The following MTMR3 variants were observed in gnomAD, a reference collection of about 807,000 sequenced individuals.
MTMR3 encodes myotubularin related protein 3.
In MTMR3, 32 loss-of-function variants were observed where a neutral mutation model predicts 132.4. The ratio of observed to expected loss-of-function variants is 0.24; its 90% CI spans 0.18 to 0.32. The LOEUF is 0.32. Ranked by LOEUF, MTMR3 falls within the 10% of genes least tolerant of loss-of-function variation. The probability of loss-of-function intolerance (pLI) is 1.00; values close to 1 mark genes in which losing one functional copy is unlikely to be tolerated. For missense variants in MTMR3, 1,216 were observed against 1,489.6 expected (o/e 0.82, Z 3.02); for synonymous variants, 556 against 550.3 (o/e 1.01, Z -0.14).
In MTMR3 at chr22:29,884,367, A is replaced by C. The variant is rs1348658282; in HGVS notation, c.-138+1008A>C. 6.6e-5 allele frequency among the ~76,000 whole-genome samples: 10 copies of C among 152,252 alleles called. 1 individual carries two copies. The highest frequency in any genetic ancestry group is 6.8e-3 in the Middle Eastern group (2 of 294). Reference sequence around the variant, plus strand: ...CCATAAGAGGCCTGGGTTGAATTACAGGAGATTATTATTATTTTTTTCAAT... The same window carrying C: ...CCATAAGAGGCCTGGGTTGAATTACCGGAGATTATTATTATTTTTTTCAAT... On this transcript the variant is annotated intron_variant, in intron 1 of 19. Coordinates refer to ENST00000401950, the MANE Select transcript of MTMR3 (RefSeq NM_021090.4).
intron 1 of MTMR3, among the ~76,000 whole-genome samples, chr22:29,938,026 A>G (rs867440308): frequency 2.6e-5 from 4 of 152,192 alleles, no homozygotes; most frequent in African/African-American, 7.2e-5. Context: ...AAGACCTTAA[A>G]AAACCAGAGT....
At chr22:29,888,582 T>C (rs2064725179) in intron 1 of MTMR3, among the ~76,000 whole-genome samples, 1 of 152,170 alleles carries the variant, frequency 6.6e-6, no homozygotes, top group African/African-American at 2.4e-5. Flanking sequence ...CATGAACTTA[T>C]GCTGTAATAA....
intron 5 of MTMR3, 48 bp from the exon 6 acceptor site, chr22:29,988,427 TCCAGG>T: frequency 7.2e-7 from 1 of 1,393,630 alleles, no homozygotes; most frequent in South Asian, 1.2e-5. Context: ...ATTGAAGAAC[TCCAGG>T]GTCAATGCCT....
At chr22:29,969,086 C>T (rs9625894) in intron 2 of MTMR3, among the ~76,000 whole-genome samples, 1 of 152,138 alleles carries the variant, frequency 6.6e-6, no homozygotes, top group Non-Finnish European at 1.5e-5. Flanking sequence ...TCTTCTTGAT[C>T]TCTAGTCTGG....
In MTMR3 at chr22:29,978,885, T is replaced by G. The variant is rs767808307; in HGVS notation, c.94-51T>G. 2.6e-6 allele frequency: 3 copies of G among 1,162,838 alleles called. No individual in the cohort carries two copies. The South Asian group carries it at 4.5e-5, about 17-fold the overall frequency. The allele number at this position is 1,162,838 out of a possible 1,614,324, so 72.0% of individuals were successfully genotyped here. On this transcript the variant is annotated intron_variant, in intron 4 of 19. Coordinates refer to ENST00000401950, the MANE Select transcript of MTMR3 (RefSeq NM_021090.4). The stretch of plus-strand genomic sequence containing the variant: ...ATTCAGCCAACTGATGTTTGAAGCT[T>G]TTTTTTTTTTAACTGCTTCAGAACT...
At chr22:30,002,044 C>T (rs1569044044) in intron 8 of MTMR3, 1 of 152,166 alleles carries the variant, frequency 6.6e-6, no homozygotes, top group Non-Finnish European at 1.5e-5. Flanking sequence ...GCCTTATTGC[C>T]TTCACTATTG....
chr22:29,968,437 G>T (rs934085220), intron 2 of MTMR3, among the ~76,000 whole-genome samples: 8 of 152,110 alleles, frequency 5.3e-5, no homozygotes, highest in African/African-American at 1.9e-4. Context: ...AAGTAATTCA[G>T]TATGTTTCTT....
At chr22:30,022,534 C>T (rs2067790702) in intron 18 of MTMR3, 75 bp from the exon 19 acceptor site, 3 of 1,292,940 alleles carry the variant, frequency 2.3e-6, no homozygotes, top group Non-Finnish European at 2.2e-6. Context: ...ACTCTTGCTG[C>T]CCCCAGCATG....
intron 1 of MTMR3, among the ~76,000 whole-genome samples, chr22:29,929,140 G>A (rs570407602): frequency 2.0e-5 from 3 of 152,080 alleles, no homozygotes; most frequent in African/African-American, 7.2e-5. Flanking sequence ...AATTAGCTGG[G>A]CGGGGTGGCG....
At chr22:29,886,641 A>G (rs1467657724) in intron 1 of MTMR3, among the ~76,000 whole-genome samples, 3 of 152,170 alleles carry the variant, frequency 2.0e-5, no homozygotes, top group African/African-American at 4.8e-5. Context: ...CATCTCATAT[A>G]GGTAGATGAA....
intron 16 of MTMR3, 31 bp downstream of exon 16, chr22:30,018,103 A>T (rs569402673): frequency 6.4e-7 from 1 of 1,568,280 alleles, no homozygotes; most frequent in Non-Finnish European, 8.6e-7. Context: ...CAGGCCTGAC[A>T]GCCTGTGTGG....
chr22:29,924,212 CAT>C (rs1193292770), intron 1 of MTMR3, among the ~76,000 whole-genome samples: 2 of 152,082 alleles, frequency 1.3e-5, no homozygotes, highest in African/African-American at 4.8e-5. Context: ...TAAATTAACT[CAT>C]GTTAATTAAA....
intron 10 of MTMR3, chr22:30,007,582 T>G (rs974336207): frequency 1.1e-5 from 6 of 564,268 alleles, no homozygotes; most frequent in Non-Finnish European, 1.9e-5. Flanking sequence ...AATAGAGGAC[T>G]TGCAGTATCT....
chr22:29,932,648 G>A (rs2052494748), intron 1 of MTMR3, among the ~76,000 whole-genome samples: 2 of 152,064 alleles, frequency 1.3e-5, no homozygotes, highest in Admixed American at 1.3e-4. Flanking sequence ...TTGCCATAAG[G>A]AAAATAATGA....
chr22:30,018,064 C>A lies in MTMR3; in HGVS notation c.1812C>A (p.Pro604=), dbSNP rs146606152. The change falls in exon 16 of 20, where the codon CCC becomes CCA. Residue 604 remains proline, a synonymous_variant. Coordinates refer to ENST00000401950, the MANE Select transcript of MTMR3 (RefSeq NM_021090.4). ...CAGGCACCAGCCCTGATGATCCCCC[C>A]CTGAGCCGGTGAGCCCAGGGTGATG... ...PAPGTSPDDP[P]LSRLPKTRSY... is the part of the protein sequence containing the mutation. 6.0e-5 allele frequency: 96 copies of A among 1,607,714 alleles called. No homozygotes were observed. In the African/African-American group the frequency reaches 1.0e-3, roughly 17 times the overall value.
At chr22:29,956,286 G>A (rs2066187737) in intron 1 of MTMR3, among the ~76,000 whole-genome samples, 1 of 152,014 alleles carries the variant, frequency 6.6e-6, no homozygotes. Context: ...TCACTTTATT[G>A]CCCAGGCTGG....
At chr22:29,993,493 A>G (rs1159208229) in intron 7 of MTMR3, 25 of 152,150 alleles carry the variant, frequency 1.6e-4, no homozygotes, top group Admixed American at 1.6e-3. Context: ...ATTATGTTAT[A>G]TAAGAACTTT....
chr22:29,998,191 A>G (rs947443479), intron 7 of MTMR3: 4 of 152,254 alleles, frequency 2.6e-5, no homozygotes, highest in African/African-American at 9.6e-5. Context: ...GAGCTCAGTG[A>G]TACTGTTCTC....
At chr22:29,977,098 C>T (rs2066644024) in intron 3 of MTMR3, among the ~76,000 whole-genome samples, 1 of 151,970 alleles carries the variant, frequency 6.6e-6, no homozygotes, top group East Asian at 1.9e-4. Flanking sequence ...TGAAACCAAC[C>T]TGGACAACAT....
Sources: allele counts gnomAD v4.1 joint callset (sites outside exome capture counted in the v4.1 genomes callset), GRCh38; gene constraint gnomAD v4.1.1; transcripts MANE v1.5; gene names NCBI Gene and HGNC (gene_info 2026-07-23, HGNC 2026-07-21).